CSGALNACT1: variants seen among roughly 807,000 people sequenced by gnomAD.
CSGALNACT1 encodes the protein chondroitin sulfate N-acetylgalactosaminyltransferase 1, also known as beta4GalNAcT-1.
In CSGALNACT1, 52 loss-of-function variants were observed where a neutral mutation model predicts 51.0. The ratio of observed to expected loss-of-function variants is 1.02; its 90% CI spans 0.82 to 1.29. The LOEUF (loss-of-function observed/expected upper bound fraction) is 1.29, where lower values mean the gene tolerates loss of function less well. Among genes scored for constraint, CSGALNACT1 ranks in the 50% most tolerant of loss-of-function variants. The pLI, the probability that CSGALNACT1 is intolerant of heterozygous loss-of-function variation, is 0.00. For missense variants in CSGALNACT1, 935 were observed against 679.2 expected (o/e 1.38, Z -4.19); for synonymous variants, 341 against 254.4 (o/e 1.34, Z -3.24).
At chr8:19,584,980 G>C (rs2046321221) in intron 3 of CSGALNACT1, among the ~76,000 whole-genome samples, 1 of 152,150 alleles carries the variant, frequency 6.6e-6, no homozygotes, top group Admixed American at 6.5e-5. Context: ...CTGAATTCTA[G>C]TCCTATCACT....
intron 3 of CSGALNACT1, among the ~76,000 whole-genome samples, chr8:19,513,094 A>G (rs1385146261): frequency 6.6e-6 from 1 of 152,012 alleles, no homozygotes; most frequent in Admixed American, 6.6e-5. Flanking sequence ...ACTCATCACC[A>G]TGTCAACATG....
At chr8:19,420,357 C>T (rs1226924014) in exon 7 of CSGALNACT1, 9 of 1,614,020 alleles carry the variant, frequency 5.6e-6, no homozygotes, top group Non-Finnish European at 7.6e-6. Context: ...TGTATTCAGC[C>T]TACACGTATT....
intron 3 of CSGALNACT1, among the ~76,000 whole-genome samples, chr8:19,563,663 G>T (rs545147582): frequency 9.2e-5 from 14 of 152,186 alleles, no homozygotes; most frequent in Non-Finnish European, 1.5e-4. Flanking sequence ...ACTACATTGT[G>T]ACTACCATGG....
chr8:19,721,055 A>G (rs1191170868), intron 1 of CSGALNACT1, among the ~76,000 whole-genome samples: 1 of 152,216 alleles, frequency 6.6e-6, no homozygotes, highest in African/African-American at 2.4e-5. Context: ...AGATCCAAGA[A>G]TCAGTGACCA....
At chr8:19,507,345 T>G (rs549744139) in intron 3 of CSGALNACT1, among the ~76,000 whole-genome samples, 11 of 152,094 alleles carry the variant, frequency 7.2e-5, no homozygotes, top group African/African-American at 2.7e-4. Context: ...ACTTTTCACA[T>G]GCTCTGCACC....
intron 1 of CSGALNACT1, among the ~76,000 whole-genome samples, chr8:19,614,629 T>C (rs1479442977): frequency 2.0e-5 from 3 of 152,164 alleles, no homozygotes; most frequent in Non-Finnish European, 2.9e-5. Flanking sequence ...CAGAGATTGG[T>C]TTTATGCTTC....
At position 19,590,375 on chromosome 8, in the gene CSGALNACT1, A is replaced by G. The variant is rs748111903; in HGVS notation, c.-297+785T>C. On this transcript the variant is annotated intron_variant, in intron 3 of 9. Coordinates refer to ENST00000454498, the Ensembl canonical transcript of CSGALNACT1. ...TACAGTCAACATTAGATTGAGCTAC[A>G]TTCCTTTTGGCGATATCTTATCTTT... Among the ~76,000 whole-genome samples, 5 of 152,338 alleles carry G rather than the reference A, an allele frequency of 3.3e-5. No homozygotes were observed. The East Asian group carries it at 7.7e-4, about 24-fold the overall frequency.
chr8:19,667,050 A>C (rs1275608320), intron 1 of CSGALNACT1, among the ~76,000 whole-genome samples: 1 of 109,042 alleles, frequency 9.2e-6, no homozygotes. Flanking sequence ...GAAGAAAGAA[A>C]GAAAGAAAGA....
At chr8:19,465,801 G>C (rs1410573149) in intron 4 of CSGALNACT1, among the ~76,000 whole-genome samples, 1 of 152,218 alleles carries the variant, frequency 6.6e-6, no homozygotes, top group Non-Finnish European at 1.5e-5. Flanking sequence ...ACCCAGAGAA[G>C]ATGTGATACG....
chr8:19,559,555 T>C (rs2040234806), intron 3 of CSGALNACT1, among the ~76,000 whole-genome samples: 1 of 152,158 alleles, frequency 6.6e-6, no homozygotes, highest in Non-Finnish European at 1.5e-5. Context: ...AGAAATGATA[T>C]GATATCCAAA....
chr8:19,425,873 G>T (rs1399094975), intron 6 of CSGALNACT1, among the ~76,000 whole-genome samples: 1 of 152,018 alleles, frequency 6.6e-6, no homozygotes, highest in Admixed American at 6.6e-5. Context: ...ACATCACTCG[G>T]TCTTTAAGGC....
chr8:19,577,927 CCA>C (rs2044650394), intron 3 of CSGALNACT1, among the ~76,000 whole-genome samples: 1 of 152,130 alleles, frequency 6.6e-6, no homozygotes, highest in South Asian at 2.1e-4. Context: ...CAGCCCTCTG[CCA>C]CAGTTAATTC....
intron 8 of CSGALNACT1, among the ~76,000 whole-genome samples, chr8:19,416,485 A>G (rs1025510990): frequency 6.6e-6 from 1 of 152,258 alleles, no homozygotes; most frequent in African/African-American, 2.4e-5. Flanking sequence ...AGTAGTGGAC[A>G]GTAATGTCAC....
chr8:19,411,163 C>T (rs2055630268), intron 8 of CSGALNACT1, among the ~76,000 whole-genome samples: 1 of 152,212 alleles, frequency 6.6e-6, no homozygotes, highest in South Asian at 2.1e-4. Flanking sequence ...CTAAGCTGTG[C>T]TCCAATGTCA....
chr8:19,561,523 C>A (rs958237143), intron 3 of CSGALNACT1, among the ~76,000 whole-genome samples: 4 of 148,326 alleles, frequency 2.7e-5, no homozygotes, highest in African/African-American at 1.0e-4. Flanking sequence ...TATCCCAGAT[C>A]CTGTGAAAAA....
Position 19,444,774 on chromosome 8 carries a change from T to G in CSGALNACT1, c.852-4843A>C, listed in dbSNP as rs367940247. ...CACTTACTTAGGAAATCAAATGAGC[T>G]CAATTAAAACCATCAGACATCTCAT... is the stretch of plus-strand genomic sequence containing the variant. On this transcript the variant is annotated intron_variant, in intron 5 of 9. Coordinates refer to ENST00000454498, the Ensembl canonical transcript of CSGALNACT1. Among the ~76,000 whole-genome samples, 411 of 152,220 alleles carry G rather than the reference T, an allele frequency of 2.7e-3. 22 individuals are homozygous for G. In the South Asian group the frequency reaches 0.084, roughly 31 times the overall value.
intron 4 of CSGALNACT1, among the ~76,000 whole-genome samples, chr8:19,459,131 A>AAC (rs2064794300): frequency 6.6e-6 from 1 of 152,150 alleles, no homozygotes; most frequent in Admixed American, 6.5e-5. Context: ...CATGCCTATA[A>AAC]ACCCAGTACT....
upstream of CSGALNACT1, among the ~76,000 whole-genome samples, chr8:19,606,196 T>G (rs1588983055): frequency 6.6e-6 from 1 of 152,258 alleles, no homozygotes; most frequent in Non-Finnish European, 1.5e-5. Context: ...ATGAGATATG[T>G]GTCTGCCAAC....
At chr8:19,660,275 A>T (rs1258814786) in intron 1 of CSGALNACT1, among the ~76,000 whole-genome samples, 1 of 152,240 alleles carries the variant, frequency 6.6e-6, no homozygotes, top group Non-Finnish European at 1.5e-5. Flanking sequence ...GGAGCAGATG[A>T]AAGAGTGCAG....
Sources: allele counts gnomAD v4.1 joint callset (sites outside exome capture counted in the v4.1 genomes callset), GRCh38; gene constraint gnomAD v4.1.1; transcripts MANE v1.5; gene names NCBI Gene and HGNC (gene_info 2026-07-23, HGNC 2026-07-21).